The following NSMAF variants were observed in gnomAD, a reference collection of about 807,000 sequenced individuals.
NSMAF encodes neutral sphingomyelinase activation associated factor, also known as protein FAN.
NSMAF carries 90 observed loss-of-function variants against 134.9 expected under a neutral mutation model. The observed-to-expected ratio is 0.67, with a 90% confidence interval of 0.56 to 0.79. NSMAF has a LOEUF of 0.79. NSMAF is among the 30% of genes least tolerant of loss of function. The pLI, the probability that NSMAF is intolerant of heterozygous loss-of-function variation, is 0.00. For synonymous variants in NSMAF, 358 were observed against 389.6 expected (o/e 0.92, Z 0.96); for missense variants, 1,010 against 1,119.0 (o/e 0.90, Z 1.39).
At position 58,589,578 on chromosome 8, in the gene NSMAF, A is replaced by G; in HGVS notation, c.2088-3T>C. The G allele has an allele frequency of 6.4e-7, 1 of 1,565,574 alleles. No homozygotes were observed. The highest frequency in any genetic ancestry group is 1.2e-5 in the South Asian group (1 of 81,108). On this transcript the variant is annotated splice_region_variant and splice_polypyrimidine_tract_variant and intron_variant, in intron 25 of 30. Transcript: ENST00000038176. ...CAAATGCTATGGAATAAAAATAGCT[A>G]AAAGATAATGAGAAGCATTAAAACA... is the stretch of plus-strand genomic sequence containing the variant.
At chr8:58,652,953 T>C (rs939365978) in intron 1 of NSMAF, among the ~76,000 whole-genome samples, 35 of 152,156 alleles carry the variant, frequency 2.3e-4, no homozygotes, top group African/African-American at 8.2e-4. Flanking sequence ...AGAAGGAATA[T>C]TGAACAAAAA....
In NSMAF at chr8:58,635,273, A is replaced by G. The variant is rs146232790; in HGVS notation, c.296+32T>C. 827 of 1,608,546 alleles carry G rather than the reference A, an allele frequency of 5.1e-4. 7 individuals are homozygous for G. The African/African-American group carries it at 9.8e-3, about 19-fold the overall frequency. Reference sequence around the variant, plus strand: ...TAAATATATACAGCTTTTTGGTTGAAGTAAAATTAAACAGTGGTGAAAATG... The same window carrying G: ...TAAATATATACAGCTTTTTGGTTGAGGTAAAATTAAACAGTGGTGAAAATG... On this transcript the variant is annotated intron_variant, in intron 4 of 30. Coordinates refer to ENST00000038176, the MANE Select transcript of NSMAF (RefSeq NM_003580.4).
chr8:58,632,022 G>T (rs1807066577), intron 5 of NSMAF, among the ~76,000 whole-genome samples: 1 of 152,102 alleles, frequency 6.6e-6, no homozygotes, highest in African/African-American at 2.4e-5. Context: ...TGTGGAATAA[G>T]TGACACCATC....
At chr8:58,626,794 A>G (rs757040732) in intron 6 of NSMAF, among the ~76,000 whole-genome samples, 10 of 152,182 alleles carry the variant, frequency 6.6e-5, no homozygotes, top group Non-Finnish European at 1.0e-4. Flanking sequence ...TACTGTTTCT[A>G]CAGTGGTTGT....
intron 2 of NSMAF, 40 bp from the exon 3 acceptor site, chr8:58,635,586 C>G (rs747935739): frequency 1.7e-6 from 2 of 1,197,744 alleles, no homozygotes; most frequent in Admixed American, 2.3e-5. Flanking sequence ...ATGAGCATAA[C>G]AAAAATCACA....
chr8:58,645,091 A>G (rs1807416120), intron 1 of NSMAF, among the ~76,000 whole-genome samples: 1 of 150,822 alleles, frequency 6.6e-6, no homozygotes, highest in Non-Finnish European at 1.5e-5. Context: ...CTGCACATGT[A>G]CTCCAGAACT....
intron 26 of NSMAF, among the ~76,000 whole-genome samples, chr8:58,589,107 G>A (rs921267407): frequency 3.2e-4 from 48 of 149,432 alleles, no homozygotes; most frequent in African/African-American, 1.0e-3. Flanking sequence ...TATGTGATAC[G>A]TAAGGATATT....
At chr8:58,646,092 T>A (rs1807446264) in intron 1 of NSMAF, among the ~76,000 whole-genome samples, 1 of 151,986 alleles carries the variant, frequency 6.6e-6, no homozygotes, top group South Asian at 2.1e-4. Flanking sequence ...GAAAAGTAAC[T>A]CAAAAAATTA....
chr8:58,646,565 A>G (rs1807458094), intron 1 of NSMAF, among the ~76,000 whole-genome samples: 1 of 152,234 alleles, frequency 6.6e-6, no homozygotes, highest in Admixed American at 6.5e-5. Context: ...TAACCAAATC[A>G]TATTGTTTGA....
intron 11 of NSMAF, 21 bp from the exon 12 acceptor site, chr8:58,606,056 TAATAA>T (rs1806403774): frequency 1.3e-6 from 2 of 1,535,086 alleles, no homozygotes; most frequent in East Asian, 2.4e-5. Flanking sequence ...AAAAAGAAAA[TAATAA>T]AATAAATAGC....
At chr8:58,614,159 A>G (rs1042678834) in intron 9 of NSMAF, among the ~76,000 whole-genome samples, 3 of 152,210 alleles carry the variant, frequency 2.0e-5, no homozygotes, top group African/African-American at 7.2e-5. Context: ...AAAGAAAAAT[A>G]AAATTAAAAA....
At chr8:58,627,231 AT>A (rs1806955247) in intron 6 of NSMAF, among the ~76,000 whole-genome samples, 1 of 152,060 alleles carries the variant, frequency 6.6e-6, no homozygotes, top group Non-Finnish European at 1.5e-5. Flanking sequence ...CCGTTTATTT[AT>A]TTTTGTTTTT....
intron 9 of NSMAF, among the ~76,000 whole-genome samples, chr8:58,617,784 C>T (rs1262860216): frequency 6.6e-6 from 1 of 152,134 alleles, no homozygotes; most frequent in African/African-American, 2.4e-5. Flanking sequence ...CTAGAATTAC[C>T]ATTTCACCCA....
At chr8:58,593,991 G>T (rs778888475) in intron 23 of NSMAF, among the ~76,000 whole-genome samples, 2 of 152,186 alleles carry the variant, frequency 1.3e-5, no homozygotes, top group African/African-American at 2.4e-5. Flanking sequence ...GTGGAAAGGA[G>T]GCTGTTTCTG....
At chr8:58,633,572 T>A (rs941588686) in intron 5 of NSMAF, among the ~76,000 whole-genome samples, 1 of 152,178 alleles carries the variant, frequency 6.6e-6, no homozygotes, top group Non-Finnish European at 1.5e-5. Flanking sequence ...AAAAGTAAAG[T>A]CCATGGAGCA....
chr8:58,597,839 T>C (rs1430824528), intron 20 of NSMAF, 21 bp downstream of exon 20: 4 of 1,523,328 alleles, frequency 2.6e-6, no homozygotes, highest in East Asian at 4.5e-5. Flanking sequence ...AAGTAGAAAC[T>C]CCTTATTGAC....
At position 58,594,212 on chromosome 8, in the gene NSMAF, T is replaced by C; in HGVS notation, c.1951+20A>G. 1 of 1,613,230 alleles carries C rather than the reference T, an allele frequency of 6.2e-7. No homozygotes were observed. The highest frequency in any genetic ancestry group is 8.5e-7 in the Non-Finnish European group (1 of 1,179,242). ...ATTCTAGGATTTTGGTTAAGCCGCC[T>C]TTCGGGGAGGAACACTGACCTTGGG... On this transcript the variant is annotated intron_variant, in intron 23 of 30. Coordinates refer to ENST00000038176, the MANE Select transcript of NSMAF (RefSeq NM_003580.4).
chr8:58,646,700 A>G (rs1347964176), intron 1 of NSMAF, among the ~76,000 whole-genome samples: 2 of 152,108 alleles, frequency 1.3e-5, no homozygotes, highest in African/African-American at 4.8e-5. Flanking sequence ...TAGAACAATG[A>G]TTTTCAAACT....
Position 58,586,579 on chromosome 8 carries a change from G to C in NSMAF, c.2325C>G (p.Ser775Arg), listed in dbSNP as rs771141347. The change falls in exon 28 of 31, where the codon AGC becomes AGG. Residue 775 changes from serine (S) to arginine (R), a missense_variant. By Grantham distance (110) the Ser-to-Arg change is moderately radical. Transcript: ENST00000038176. Reference sequence around the variant, plus strand: ...CTTTGGTGCCGGAAACTAACAGTGTGCTTGCAGCATTTAAACTGATTGTAT... The same window carrying C: ...CTTTGGTGCCGGAAACTAACAGTGTCCTTGCAGCATTTAAACTGATTGTAT... ...SVDTISLNAA[S>R]TLLVSGTKEG... The C allele has an allele frequency of 1.9e-6, 3 of 1,613,688 alleles. No individual in the cohort carries two copies. In the African/African-American group the frequency reaches 4.0e-5, roughly 22 times the overall value.
Sources: gnomAD v4.1 joint callset for allele counts (sites outside exome capture counted in the v4.1 genomes callset) on GRCh38, gnomAD v4.1.1 for gene constraint, MANE v1.5 for transcripts, NCBI Gene and HGNC (gene_info 2026-07-23, HGNC 2026-07-21) for gene names.